Variants in SMYD2 observed in about 807,000 individuals in gnomAD.
SMYD2 encodes SET and MYND domain containing 2.
Under a neutral mutation model 59.1 loss-of-function variants are expected in SMYD2, and 53 were observed. The observed-to-expected ratio is 0.90, with a 90% CI of 0.72 to 1.13. The LOEUF is 1.13. Ranked by LOEUF, SMYD2 falls within the 50% of genes most tolerant of loss-of-function variation. The pLI, the probability that SMYD2 is intolerant of heterozygous loss-of-function variation, is 0.00. For missense variants in SMYD2, 494 were observed against 544.7 expected (o/e 0.91, Z 0.93); for synonymous variants, 208 against 198.8 (o/e 1.05, Z -0.39).
At position 214,318,197 on chromosome 1, in the gene SMYD2, G is replaced by T; in HGVS notation, c.409+58G>T. ...CTCAGCCACAGATTTCACATGGGTT[G>T]GGCAGGATTGAAGCGAGGACGGGCT... On this transcript the variant is annotated intron_variant, in intron 4 of 11. Transcript: ENST00000366957. The surrounding 1 kb of genome is among the most constrained non-coding windows in gnomAD (Gnocchi z 5.4). 2 of 1,520,308 alleles carry T rather than the reference G, an allele frequency of 1.3e-6. No homozygotes were observed. The highest frequency in any genetic ancestry group is 1.1e-5 in the South Asian group (1 of 87,028). The allele number at this position is 1,520,308 out of a possible 1,614,324, so 94.2% of individuals were successfully genotyped here. A position where few individuals can be genotyped will look rare whatever the true frequency, so the allele number is the denominator to read the frequency against.
chr1:214,316,441 A>T (rs560355649), intron 3 of SMYD2, among the ~76,000 whole-genome samples: 1 of 152,116 alleles, frequency 6.6e-6, no homozygotes, highest in Admixed American at 6.5e-5. Flanking sequence ...TGATTGTGCC[A>T]CCATACTCCA....
chr1:214,283,429 C>A (rs1656480307), intron 1 of SMYD2, among the ~76,000 whole-genome samples: 1 of 152,306 alleles, frequency 6.6e-6, no homozygotes, highest in Middle Eastern at 3.4e-3. Flanking sequence ...TATGTCAATA[C>A]CCGTAGTTTA....
chr1:214,319,264 C>T (rs535167300), intron 5 of SMYD2, among the ~76,000 whole-genome samples: 1 of 152,228 alleles, frequency 6.6e-6, no homozygotes, highest in East Asian at 1.9e-4. Flanking sequence ...TTGTCAGTGC[C>T]CTGGTACTCT....
chr1:214,314,724 G>A, intron 2 of SMYD2, 38 bp from the exon 3 acceptor site: 2 of 1,489,062 alleles, frequency 1.3e-6, no homozygotes, highest in South Asian at 1.1e-5. Context: ...TCCAGTGTAT[G>A]TGCTATTTTT....
chr1:214,335,938 C>T (rs934639398), intron 11 of SMYD2, among the ~76,000 whole-genome samples: 4 of 151,994 alleles, frequency 2.6e-5, no homozygotes, highest in Admixed American at 6.6e-5. Context: ...GTATGCTTTT[C>T]GAAAGGGAAA....
intron 2 of SMYD2, among the ~76,000 whole-genome samples, chr1:214,311,253 C>T (rs1037672764): frequency 1.3e-5 from 2 of 152,178 alleles, no homozygotes; most frequent in African/African-American, 4.8e-5. Context: ...TGTTTCAGAG[C>T]GCAGCCTGTG....
intron 1 of SMYD2, among the ~76,000 whole-genome samples, chr1:214,282,065 A>T (rs1327975952): frequency 2.0e-5 from 3 of 152,226 alleles, no homozygotes; most frequent in African/African-American, 4.8e-5. Context: ...TTAGGAAAAC[A>T]TGGTCGCAGG....
chr1:214,332,934 C>T lies in SMYD2; in HGVS notation c.1112+742C>T, dbSNP rs1032367100. The T allele has an allele frequency of 3.3e-5, 5 of 152,230 alleles. No homozygotes were observed. The East Asian group carries it at 7.7e-4, about 24-fold the overall frequency. The allele number at this position is 152,230 out of a possible 1,614,324, so 9.4% of individuals were successfully genotyped here. ...CCAAGTGGGCCAAGTGAATCAGGGTCGCTGGGCATTAGACCCAGAAATCTG... is the reference window on the plus strand; with the variant it reads ...CCAAGTGGGCCAAGTGAATCAGGGTTGCTGGGCATTAGACCCAGAAATCTG... On this transcript the variant is annotated intron_variant, in intron 10 of 11. Coordinates refer to ENST00000366957, the MANE Select transcript of SMYD2 (RefSeq NM_020197.3).
intron 10 of SMYD2, chr1:214,333,707 G>C (rs952015668): frequency 1.6e-5 from 2 of 125,718 alleles, no homozygotes; most frequent in Non-Finnish European, 1.6e-5. Flanking sequence ...GCACTTAACT[G>C]TTTTGCTAAA....
intron 1 of SMYD2, among the ~76,000 whole-genome samples, chr1:214,297,490 A>G (rs1656753807): frequency 6.6e-6 from 1 of 152,324 alleles, no homozygotes; most frequent in Admixed American, 6.5e-5. Context: ...TGGATAGCCC[A>G]TATGAAGTTT....
intron 6 of SMYD2, 49 bp downstream of exon 6, chr1:214,324,757 A>C (rs761713131): frequency 6.5e-7 from 1 of 1,531,576 alleles, no homozygotes; most frequent in Non-Finnish European, 8.9e-7. Flanking sequence ...ACTTAACACT[A>C]ATTTGATTTT....
At chr1:214,281,503 A>G (rs1443248626) in intron 1 of SMYD2, 76 bp downstream of exon 1, 48 of 1,078,834 alleles carry the variant, frequency 4.4e-5, no homozygotes, top group African/African-American at 2.9e-4. Context: ...GGCGCCAGGA[A>G]GTGCGTGCGG....
chr1:214,320,733 A>G (rs1168319278), intron 5 of SMYD2, among the ~76,000 whole-genome samples: 1 of 152,236 alleles, frequency 6.6e-6, no homozygotes, highest in African/African-American at 2.4e-5. Flanking sequence ...TTATTTAGAT[A>G]TATTTCAGTT....
intron 5 of SMYD2, among the ~76,000 whole-genome samples, chr1:214,320,635 AAAG>A (rs1657158337): frequency 6.6e-6 from 1 of 152,166 alleles, no homozygotes; most frequent in African/African-American, 2.4e-5. Flanking sequence ...ATAAAGAAAA[AAAG>A]TGAGTCATTC....
chr1:214,299,816 C>T (rs1321889491), intron 1 of SMYD2, among the ~76,000 whole-genome samples: 2 of 152,128 alleles, frequency 1.3e-5, no homozygotes, highest in Non-Finnish European at 2.9e-5. Flanking sequence ...CCGTGTTAGC[C>T]AGGATGGTCT....
At chr1:214,300,940 T>G (rs933795935) in intron 1 of SMYD2, among the ~76,000 whole-genome samples, 1 of 152,228 alleles carries the variant, frequency 6.6e-6, no homozygotes, top group African/African-American at 2.4e-5. Context: ...GAGCTTTTGT[T>G]TATATGAGTT....
At position 214,334,190 on chromosome 1, in the gene SMYD2, C is replaced by A; in HGVS notation, c.1113-10C>A. The A allele has an allele frequency of 6.2e-7, 1 of 1,612,282 alleles. No individual in the cohort carries two copies. On this transcript the variant is annotated splice_polypyrimidine_tract_variant and intron_variant, in intron 10 of 11. Coordinates refer to ENST00000366957, the MANE Select transcript of SMYD2 (RefSeq NM_020197.3). ...GACATGGTGGCCTGTTGTCTCTTCT[C>A]TTGTTCTAGTAAGCACTATCCTTTG...
At chr1:214,299,465 T>TATATATATATA (rs1553254476) in intron 1 of SMYD2, among the ~76,000 whole-genome samples, 3 of 71,592 alleles carry the variant, frequency 4.2e-5, no homozygotes, top group African/African-American at 7.4e-5. Flanking sequence ...AAAGAAAACA[T>TATATATATATA]TATATATATA....
intron 2 of SMYD2, among the ~76,000 whole-genome samples, chr1:214,307,800 G>C (rs766242936): frequency 1.3e-5 from 2 of 152,056 alleles, no homozygotes; most frequent in Non-Finnish European, 2.9e-5. Flanking sequence ...TGCAATGAGG[G>C]GTGTCCTCCC....
Sources: allele counts gnomAD v4.1 joint callset (sites outside exome capture counted in the v4.1 genomes callset), GRCh38; gene constraint gnomAD v4.1.1; non-coding constraint Gnocchi (gnomAD v3.1); transcripts MANE v1.5; gene names NCBI Gene and HGNC (gene_info 2026-07-23, HGNC 2026-07-21).